Variants in FAT3 observed in about 807,000 individuals in gnomAD.
FAT3 encodes FAT atypical cadherin 3.
In FAT3, 95 loss-of-function variants were observed where a neutral mutation model predicts 310.2. The ratio of observed to expected loss-of-function variants is 0.31; its 90% CI spans 0.26 to 0.36. The LOEUF (loss-of-function observed/expected upper bound fraction) is 0.36. Ranked by LOEUF, FAT3 falls within the 10% of genes least tolerant of loss-of-function variation. The pLI is 1.00. For missense variants in FAT3, 5,408 were observed against 5,715.6 expected (o/e 0.95, Z 1.74); for synonymous variants, 2,314 against 2,192.9 (o/e 1.06, Z -1.54).
intron 22 of FAT3, among the ~76,000 whole-genome samples, chr11:92,869,028 T>C (rs1949318944): frequency 6.6e-6 from 1 of 152,232 alleles, no homozygotes; most frequent in Non-Finnish European, 1.5e-5. Context: ...TCTACCTCTT[T>C]GTCTTCCTGT....
chr11:92,474,043 C>T (rs1283697843), intron 2 of FAT3, among the ~76,000 whole-genome samples: 4 of 152,076 alleles, frequency 2.6e-5, no homozygotes, highest in Non-Finnish European at 5.9e-5. Flanking sequence ...AACTGGAGAA[C>T]GTAACTTTTG....
At chr11:92,320,008 G>T (rs528641312) in intron 1 of FAT3, among the ~76,000 whole-genome samples, 20 of 152,168 alleles carry the variant, frequency 1.3e-4, no homozygotes, top group South Asian at 4.1e-4. Flanking sequence ...ATTTGCTAGT[G>T]TGCATTGTGA....
chr11:92,719,684 C>T (rs1944803395), intron 4 of FAT3, among the ~76,000 whole-genome samples: 1 of 149,202 alleles, frequency 6.7e-6, no homozygotes. Flanking sequence ...TGGTTGAATC[C>T]AGGACACAGA....
intron 3 of FAT3, among the ~76,000 whole-genome samples, chr11:92,648,399 A>T (rs940997518): frequency 1.3e-5 from 2 of 152,112 alleles, no homozygotes; most frequent in African/African-American, 2.4e-5. Flanking sequence ...CCCCTCCAGG[A>T]CTAAGTCACC....
chr11:92,861,739 TA>T, intron 21 of FAT3, among the ~76,000 whole-genome samples: 1 of 152,240 alleles, frequency 6.6e-6, no homozygotes, highest in East Asian at 1.9e-4. Flanking sequence ...TCTGTTTGCT[TA>T]ACATTTTCAG....
chr11:92,805,545 C>A (rs536721540), intron 11 of FAT3, among the ~76,000 whole-genome samples, 196 bp downstream of exon 11: 32 of 147,708 alleles, frequency 2.2e-4, no homozygotes, highest in African/African-American at 7.4e-4. Context: ...AGATCAGATA[C>A]CTAATTTTGT....
At chr11:92,436,044 A>T (rs1950931993) in intron 2 of FAT3, among the ~76,000 whole-genome samples, 1 of 152,218 alleles carries the variant, frequency 6.6e-6, no homozygotes, top group African/African-American at 2.4e-5. Flanking sequence ...ATCTGTGCAC[A>T]TCCTAACAAT....
chr11:92,473,489 A>G (rs1458999499), intron 2 of FAT3, among the ~76,000 whole-genome samples: 1 of 152,190 alleles, frequency 6.6e-6, no homozygotes, highest in African/African-American at 2.4e-5. Context: ...CATTGAGAGT[A>G]TTTGGAACAT....
At chr11:92,525,649 T>C (rs150644054) in intron 3 of FAT3, among the ~76,000 whole-genome samples, 4 of 151,262 alleles carry the variant, frequency 2.6e-5, no homozygotes, top group Admixed American at 2.0e-4. Flanking sequence ...TTCTTGTGAT[T>C]TGCCTCTTTT....
intron 2 of FAT3, among the ~76,000 whole-genome samples, chr11:92,451,606 A>G (rs1266653567): frequency 6.6e-6 from 1 of 152,156 alleles, no homozygotes; most frequent in Non-Finnish European, 1.5e-5. Context: ...CTGTGGCAGT[A>G]TTTGGATGTT....
intron 1 of FAT3, among the ~76,000 whole-genome samples, chr11:92,315,479 G>GTATATATATATATATA (rs1168085335): frequency 3.1e-5 from 2 of 65,192 alleles, no homozygotes; most frequent in East Asian, 5.9e-4. Flanking sequence ...GTGTGTGTGT[G>GTATATATATATATATA]TATATATATA....
chr11:92,814,327 T>G (rs1591770275), intron 13 of FAT3, among the ~76,000 whole-genome samples: 1 of 152,226 alleles, frequency 6.6e-6, no homozygotes, highest in African/African-American at 2.4e-5. Context: ...TTAAGAAATT[T>G]AAAATATATT....
intron 2 of FAT3, among the ~76,000 whole-genome samples, chr11:92,432,754 C>T (rs11019954): frequency 4.6e-5 from 7 of 152,172 alleles, no homozygotes; most frequent in Admixed American, 2.6e-4. Context: ...TCCCTTAGCT[C>T]GAGCACTGTG....
intron 4 of FAT3, among the ~76,000 whole-genome samples, chr11:92,713,371 A>C (rs1055203532): frequency 6.6e-6 from 1 of 152,224 alleles, no homozygotes; most frequent in Admixed American, 6.5e-5. Context: ...GTTACTTTCA[A>C]AGTTGTCAGA....
rs1379454137 is a variant in FAT3, at chr11:92,894,388, A to G, written c.*3275A>G. The G allele has an allele frequency of 6.6e-6, 1 of 152,164 alleles. No homozygotes were observed. The highest frequency in any genetic ancestry group is 1.5e-5 in the Non-Finnish European group (1 of 68,046). 9.4% of individuals were successfully genotyped at this position (152,164 alleles called of 1,614,324 possible). ...TTTGGTTTTGCATTTTTTTCTTCCC[A>G]CAAACACTGGCTACTCTTTGTCCTA... is the stretch of plus-strand genomic sequence containing the variant. On this transcript the variant is annotated 3_prime_UTR_variant, in exon 28 of 28. Transcript: ENST00000525166.
intron 1 of FAT3, among the ~76,000 whole-genome samples, chr11:92,280,597 T>C (rs1426475253): frequency 6.6e-6 from 1 of 152,220 alleles, no homozygotes; most frequent in Non-Finnish European, 1.5e-5. Flanking sequence ...ATTACCTTTC[T>C]AAATCACAAA....
chr11:92,875,678 A>G (rs369283643), intron 22 of FAT3, among the ~76,000 whole-genome samples: 9 of 152,304 alleles, frequency 5.9e-5, no homozygotes, highest in Middle Eastern at 3.4e-3. Context: ...CTGACCTGCC[A>G]AATTCCTGAA....
Position 92,355,329 on chromosome 11 carries a change from G to T in FAT3, c.3217G>T (p.Gly1073Ter). 1.9e-6 allele frequency: 3 copies of T among 1,613,796 alleles called. No homozygotes were observed. The highest frequency in any genetic ancestry group is 2.5e-6 in the Non-Finnish European group (3 of 1,179,838). ...GGTGACTGCTCGAGATGAAGACTCC[G>T]GAAGGGATGGAGAGATCCAGTACTC... Reference protein sequence around the residue: ...LQVTARDEDSGRDGEIQYSIR... With the variant: ...LQVTARDEDS The change falls in exon 2 of 28, where the codon GGA (glycine) becomes TGA (stop). Residue 1073 changes from glycine (G) to a stop codon, truncating the protein, a stop_gained. Coordinates refer to ENST00000525166, the MANE Select transcript of FAT3 (RefSeq NM_001367949.2). LOFTEE classifies it high-confidence loss of function.
intron 13 of FAT3, among the ~76,000 whole-genome samples, chr11:92,815,428 C>T (rs1346450684): frequency 1.3e-5 from 2 of 151,960 alleles, no homozygotes; most frequent in African/African-American, 4.8e-5. Context: ...AAAAAATTCG[C>T]CGGGCGTGGC....
Sources: allele counts gnomAD v4.1 joint callset (sites outside exome capture counted in the v4.1 genomes callset), GRCh38; gene constraint gnomAD v4.1.1; transcripts MANE v1.5; gene names NCBI Gene and HGNC (gene_info 2026-07-23, HGNC 2026-07-21).